Variants in ZNF557 observed in about 807,000 individuals in gnomAD.
The protein encoded by ZNF557 is CTB-25J19.9.
A neutral mutation model predicts 21.2 loss-of-function variants in ZNF557; 19 were observed. The ratio of observed to expected loss-of-function variants is 0.90; its 90% confidence interval spans 0.63 to 1.32. ZNF557 has a LOEUF of 1.32. ZNF557 is among the 40% of genes most tolerant of loss of function. The pLI, the probability that ZNF557 is intolerant of heterozygous loss-of-function variation, is 0.00. For missense variants in ZNF557, 487 were observed against 519.8 expected (o/e 0.94, Z 0.61); for synonymous variants, 207 against 194.8 (o/e 1.06, Z -0.52).
At chr19:7,073,161 T>TTTG (rs1977501093) in intron 2 of ZNF557, among the ~76,000 whole-genome samples, 1 of 148,958 alleles carries the variant, frequency 6.7e-6, no homozygotes, top group African/African-American at 2.5e-5. Flanking sequence ...TTTTTTGTTT[T>TTTG]TTTTTTTTTG....
intron 5 of ZNF557, among the ~76,000 whole-genome samples, chr19:7,079,298 G>A (rs539899364): frequency 1.9e-4 from 28 of 146,216 alleles, no homozygotes; most frequent in African/African-American, 5.8e-4. Flanking sequence ...CTGGAGTGCA[G>A]TGGTGCAATC....
chr19:7,079,457 A>G (rs144117752), intron 5 of ZNF557, among the ~76,000 whole-genome samples: 11,353 of 151,630 alleles, frequency 0.075, 719 homozygotes, highest in African/African-American at 0.18. Context: ...AGCCAGGATG[A>G]TCTCGATCTC....
chr19:7,086,211 A>G lies in ZNF557; in HGVS notation c.*2467A>G, dbSNP rs566073860. 11 of 118,526 alleles carry G rather than the reference A, an allele frequency of 9.3e-5. No individual in the cohort carries two copies. In the East Asian group the frequency reaches 2.5e-3, roughly 27 times the overall value. The allele number at this position is 118,526 out of a possible 1,614,324, so 7.3% of individuals were successfully genotyped here. On this transcript the variant is annotated 3_prime_UTR_variant, in exon 8 of 8. Transcript: ENST00000252840. Reference sequence around the variant, plus strand: ...ATGCCACTTCACTCCAGCCTGGGCAAAAGAGTGCAACTCTGTCTCAAAAAA... The same window carrying G: ...ATGCCACTTCACTCCAGCCTGGGCAGAAGAGTGCAACTCTGTCTCAAAAAA...
Position 7,077,124 on chromosome 19 carries a change from T to TTTTC in ZNF557, c.247+625_247+628dup, listed in dbSNP as rs1372592605. On this transcript the variant is annotated intron_variant, in intron 5 of 7. Transcript: ENST00000252840. ...GTCTCACTTTTTGCTTAGCATAATGTTTTCTTTCTTTTTTTTTTTTTTTTT... is the reference window on the plus strand; with the variant it reads ...GTCTCACTTTTTGCTTAGCATAATGTTTTCTTTCTTTCTTTTTTTTTTTTTTTTT... Among the ~76,000 whole-genome samples the TTTTC allele has an allele frequency of 1.5e-4, 16 of 105,654 alleles. 1 individual carries two copies. Among genetic ancestry groups the TTTTC allele is most frequent in the African/African-American group, 4.1e-4 (11 of 26,636 alleles). 69.3% of individuals were successfully genotyped at this position (105,654 alleles called of 152,430 possible). A position where few individuals can be genotyped will look rare whatever the true frequency, so the allele number is the denominator to read the frequency against.
chr19:7,073,899 A>G (rs10416342), intron 2 of ZNF557, among the ~76,000 whole-genome samples: 2,457 of 152,096 alleles, frequency 0.016, 55 homozygotes, highest in African/African-American at 0.056. Flanking sequence ...TCCACCCTCT[A>G]CAGCTCTGTT....
At position 7,083,806 on chromosome 19, in the gene ZNF557, TC is replaced by T; in HGVS notation, c.*63del. ...CATGCCTCAGATAACATGAGCAAAC[TC>T]TAACAAGATGTATGAATCACCTGCT... On this transcript the variant is annotated 3_prime_UTR_variant, in exon 8 of 8. Transcript: ENST00000252840. 2 of 1,526,214 alleles carry T rather than the reference TC, an allele frequency of 1.3e-6. No homozygotes were observed. The highest frequency in any genetic ancestry group is 1.8e-6 in the Non-Finnish European group (2 of 1,136,394). The allele number at this position is 1,526,214 out of a possible 1,614,324, so 94.5% of individuals were successfully genotyped here.
chr19:7,078,704 T>C (rs1265879143), intron 5 of ZNF557, among the ~76,000 whole-genome samples: 1 of 152,140 alleles, frequency 6.6e-6, no homozygotes, highest in Non-Finnish European at 1.5e-5. Flanking sequence ...AGTGCTGTAA[T>C]TAGAGCGTGA....
rs1328958439 is a variant in ZNF557, at chr19:7,082,021, T to C, written c.395T>C (p.Phe132Ser). 3.7e-6 allele frequency: 6 copies of C among 1,614,018 alleles called. No individual in the cohort carries two copies. The South Asian group carries it at 4.4e-5, about 12-fold the overall frequency. Reference sequence around the variant, plus strand: ...GGGTTAACTCCTAAGCTGCATGTTTTTCGAAAAGAACAATCTAGAAATATG... The same window carrying C: ...GGGTTAACTCCTAAGCTGCATGTTTCTCGAAAAGAACAATCTAGAAATATG... ...AKGLTPKLHV[F>S]RKEQSRNMKM... The change falls in exon 7 of 8, where the codon TTT (phenylalanine) becomes TCT (serine). Residue 132 changes from phenylalanine (F) to serine (S), a missense_variant. Transcript: ENST00000252840.
At position 7,079,617 on chromosome 19, in the gene ZNF557, T is replaced by G. The variant is rs545060024; in HGVS notation, c.248-1743T>G. ...CAGAATATTACAATATGGCAGTTCT[T>G]TAAATCTGATTTCCCCCCTCCCCAA... On this transcript the variant is annotated intron_variant, in intron 5 of 7. Coordinates refer to ENST00000252840, the MANE Select transcript of ZNF557 (RefSeq NM_024341.3). Among the ~76,000 whole-genome samples the G allele has an allele frequency of 1.6e-4, 24 of 152,292 alleles. No individual in the cohort carries two copies. The East Asian group carries it at 4.6e-3, about 29-fold the overall frequency.
rs1394592326 is a variant in ZNF557 at position 7,087,341 on chromosome 19, G to C, written c.*3597G>C. 2 of 151,186 alleles carry C rather than the reference G, an allele frequency of 1.3e-5. No individual in the cohort carries two copies. Among genetic ancestry groups the C allele is most frequent in the Non-Finnish European group, 2.9e-5 (2 of 67,890 alleles). 9.4% of individuals were successfully genotyped at this position (151,186 alleles called of 1,614,324 possible). A position where few individuals can be genotyped will look rare whatever the true frequency, so the allele number is the denominator to read the frequency against. On this transcript the variant is annotated 3_prime_UTR_variant, in exon 8 of 8. Transcript: ENST00000252840. ...GGATCACCTGAGGTGGGGAGTTCGAGACCAGCCTGATCAACATGGAGAAAA... is the reference window on the plus strand; with the variant it reads ...GGATCACCTGAGGTGGGGAGTTCGACACCAGCCTGATCAACATGGAGAAAA...
chr19:7,079,513 T>C lies in ZNF557; in HGVS notation c.248-1847T>C, dbSNP rs549466636. On this transcript the variant is annotated intron_variant, in intron 5 of 7. Transcript: ENST00000252840. ...CCTTGGCCTCCCAAAGTGCTGGGAT[T>C]ACAGCCATGAGCCACCGCGCCCGGC... Among the ~76,000 whole-genome samples the C allele has an allele frequency of 3.3e-5, 5 of 152,284 alleles. No homozygotes were observed. In the East Asian group the frequency reaches 7.7e-4, roughly 24 times the overall value.
At chr19:7,075,795 G>T in intron 4 of ZNF557, 52 bp downstream of exon 4, 2 of 1,596,582 alleles carry the variant, frequency 1.3e-6, no homozygotes, top group Non-Finnish European at 8.6e-7. Context: ...CCAGAAGGTT[G>T]GACTTGATGC....
chr19:7,076,301 C>A, intron 4 of ZNF557, 80 bp from the exon 5 acceptor site: 2 of 1,613,746 alleles, frequency 1.2e-6, no homozygotes, highest in Non-Finnish European at 1.7e-6. Context: ...CCAGCCCTGG[C>A]TCTGTTCTCC....
rs1330581009 is a variant in ZNF557 at position 7,085,872 on chromosome 19, A to G, written c.*2128A>G. ...TATTTATTATAATTCTAAAACATCA[A>G]TACACCAAATATTCAGAAAGGTATT... On this transcript the variant is annotated 3_prime_UTR_variant, in exon 8 of 8. Transcript: ENST00000252840. The G allele has an allele frequency of 6.6e-6, 1 of 152,112 alleles. No homozygotes were observed. Among genetic ancestry groups the G allele is most frequent in the Non-Finnish European group, 1.5e-5 (1 of 68,026 alleles). The allele number at this position is 152,112 out of a possible 1,614,324, so 9.4% of individuals were successfully genotyped here. A position where few individuals can be genotyped will look rare whatever the true frequency, so the allele number is the denominator to read the frequency against.
At position 7,069,741 on chromosome 19, in the gene ZNF557, A is replaced by G. The variant is rs1446555005; in HGVS notation, c.-204A>G. ...AGCCGCGCTTGCAGCGTCTGGGAGAATCTTTCGGTCTCCGCGAGAGGTGCT... is the reference window on the plus strand; with the variant it reads ...AGCCGCGCTTGCAGCGTCTGGGAGAGTCTTTCGGTCTCCGCGAGAGGTGCT... On this transcript the variant is annotated 5_prime_UTR_variant, in exon 1 of 8. Transcript: ENST00000252840. The G allele has an allele frequency of 2.6e-5, 4 of 152,244 alleles. No homozygotes were observed. The highest frequency in any genetic ancestry group is 9.6e-5 in the African/African-American group (4 of 41,468). 9.4% of individuals were successfully genotyped at this position (152,244 alleles called of 1,614,324 possible).
chr19:7,082,421 CAAA>C (rs10641888), intron 7 of ZNF557, among the ~76,000 whole-genome samples: 1 of 108,426 alleles, frequency 9.2e-6, no homozygotes, highest in South Asian at 3.3e-4. Flanking sequence ...GACTCTGTCT[CAAA>C]AAAAAAAAAA....
chr19:7,074,082 G>A (rs1449329930), intron 2 of ZNF557, among the ~76,000 whole-genome samples: 1 of 148,772 alleles, frequency 6.7e-6, no homozygotes, highest in African/African-American at 2.5e-5. Flanking sequence ...CTCACTACAA[G>A]CTCTGCCTCC....
At position 7,083,414 on chromosome 19, in the gene ZNF557, A is replaced by C; in HGVS notation, c.963A>C (p.Glu321Asp). 1 of 1,614,196 alleles carries C rather than the reference A, an allele frequency of 6.2e-7. No homozygotes were observed. The highest frequency in any genetic ancestry group is 8.5e-7 in the Non-Finnish European group (1 of 1,180,030). Residue 321 changes from glutamate to aspartate, a missense_variant, in exon 8 of 8, where the codon GAA becomes GAC. Transcript: ENST00000252840. ...YSIHTGEYPY[E>D]CHDCGRTFRR... ...TTCATACAGGGGAGTACCCTTACGA[A>C]TGCCACGATTGTGGGAGAACCTTCA...
intron 5 of ZNF557, among the ~76,000 whole-genome samples, chr19:7,079,788 T>C (rs1024427357): frequency 1.3e-5 from 2 of 152,190 alleles, no homozygotes; most frequent in Non-Finnish European, 2.9e-5. Context: ...GAGATTTTTT[T>C]AAATACCTGG....
Sources: allele counts gnomAD v4.1 joint callset (sites outside exome capture counted in the v4.1 genomes callset), GRCh38; gene constraint gnomAD v4.1.1; transcripts MANE v1.5; gene names NCBI Gene and HGNC (gene_info 2026-07-23, HGNC 2026-07-21).